CCDC33: variants seen among roughly 807,000 people sequenced by gnomAD.
CCDC33 encodes the protein coiled-coil domain-containing protein 33.
A neutral mutation model predicts 91.9 loss-of-function variants in CCDC33; 94 were observed. The observed-to-expected ratio is 1.02, with a 90% CI of 0.87 to 1.21. The LOEUF is 1.21. Ranked by LOEUF, CCDC33 falls within the 50% of genes most tolerant of loss-of-function variation. CCDC33 has a pLI of 0.00. For synonymous variants in CCDC33, 396 were observed against 374.5 expected (o/e 1.06, Z -0.66); for missense variants, 940 against 935.5 (o/e 1.00, Z -0.06).
intron 2 of CCDC33, among the ~76,000 whole-genome samples, chr15:74,255,109 C>T (rs1005336415): frequency 1.7e-4 from 14 of 84,710 alleles, no homozygotes; most frequent in Non-Finnish European, 4.3e-4. Flanking sequence ...ATCCTGAAAG[C>T]CCCAGAATCC....
chr15:74,220,936 ACT>A (rs1452968141), intron 2 of CCDC33, among the ~76,000 whole-genome samples: 9 of 152,174 alleles, frequency 5.9e-5, no homozygotes, highest in African/African-American at 2.2e-4. Flanking sequence ...TGGTGCTGCT[ACT>A]TGGAGGCTCA....
chr15:74,224,323 A>G (rs2074715530), intron 2 of CCDC33, among the ~76,000 whole-genome samples: 1 of 151,710 alleles, frequency 6.6e-6, no homozygotes, highest in South Asian at 2.1e-4. Flanking sequence ...GCGTTGAAAC[A>G]CTCTCCATTC....
intron 2 of CCDC33, among the ~76,000 whole-genome samples, chr15:74,210,886 C>T (rs1245273909): frequency 6.6e-6 from 1 of 152,182 alleles, no homozygotes; most frequent in Non-Finnish European, 1.5e-5. Context: ...GGGTGAAAAA[C>T]AGTTGTGATA....
intron 18 of CCDC33, chr15:74,335,584 G>A (rs889712553): frequency 3.5e-5 from 12 of 340,988 alleles, no homozygotes; most frequent in Non-Finnish European, 5.4e-5. Context: ...CCCCGGGACC[G>A]CCCAGCCCCG....
At chr15:74,336,436 C>T (rs929887262), downstream of CCDC33, 6 of 1,292,930 alleles carry the variant, frequency 4.6e-6, no homozygotes, top group African/African-American at 3.0e-5. Flanking sequence ...TTCATCTGCC[C>T]CAAAACATCT....
chr15:74,334,839 C>G (rs540209700), intron 17 of CCDC33, 136 bp from the exon 18 acceptor site: 1 of 735,662 alleles, frequency 1.4e-6, no homozygotes, highest in South Asian at 1.6e-5. Flanking sequence ...CCTGAGGTCT[C>G]GGGAAGGTGT....
At chr15:74,232,183 G>A (rs2074996794), upstream of CCDC33, among the ~76,000 whole-genome samples, 1 of 152,160 alleles carries the variant, frequency 6.6e-6, no homozygotes, top group Admixed American at 6.5e-5. Context: ...GTAATACCAG[G>A]ACATCAGGCG....
At chr15:74,209,718 C>G (rs901008817) in intron 2 of CCDC33, 2 of 435,950 alleles carry the variant, frequency 4.6e-6, no homozygotes, top group East Asian at 4.0e-5. Context: ...GCTCTCCCTA[C>G]CCCTCCCTCC....
chr15:74,233,119 C>T (rs1331480892), upstream of CCDC33, among the ~76,000 whole-genome samples: 1 of 152,208 alleles, frequency 6.6e-6, no homozygotes, highest in Non-Finnish European at 1.5e-5. Flanking sequence ...AGGCCTTCCT[C>T]GACCCCTTTA....
chr15:74,226,928 CGTAGGATGGAGGTG>C (rs1374779229), intron 2 of CCDC33, among the ~76,000 whole-genome samples: 6 of 151,840 alleles, frequency 4.0e-5, no homozygotes, highest in Admixed American at 2.6e-4. Context: ...AGAGCTGGTT[CGTAGGATGGAGGTG>C]GTAGGGAGTT....
chr15:74,232,932 C>T (rs2075028241), upstream of CCDC33, among the ~76,000 whole-genome samples: 1 of 152,208 alleles, frequency 6.6e-6, no homozygotes, highest in Admixed American at 6.5e-5. Flanking sequence ...TCACACCCAC[C>T]CAGACCAGAT....
chr15:74,335,749 C>T (rs2060553033), intron 18 of CCDC33, 176 bp from the exon 19 acceptor site: 1 of 610,292 alleles, frequency 1.6e-6, no homozygotes, highest in Non-Finnish European at 2.9e-6. Flanking sequence ...GCCCTGGGGA[C>T]CCTTGGAGAA....
At chr15:74,217,190 TGCAG>T, upstream of CCDC33, 1 of 1,074,998 alleles carries the variant, frequency 9.3e-7, no homozygotes, top group African/African-American at 1.7e-5. Context: ...GCACCCAGCC[TGCAG>T]GCTTTCAGAC....
At chr15:74,314,799 A>G (rs2060059416) in intron 11 of CCDC33, among the ~76,000 whole-genome samples, 1 of 152,216 alleles carries the variant, frequency 6.6e-6, no homozygotes, top group African/African-American at 2.4e-5. Context: ...GTGTTCCCTC[A>G]GCACATGTCC....
At chr15:74,220,578 T>C (rs768689255) in intron 2 of CCDC33, among the ~76,000 whole-genome samples, 22 of 152,192 alleles carry the variant, frequency 1.4e-4, no homozygotes, top group Non-Finnish European at 2.8e-4. Flanking sequence ...CTCTTCAGGC[T>C]GCAGTTCTGA....
intron 11 of CCDC33, chr15:74,302,388 C>T (rs1018521944): frequency 2.6e-5 from 4 of 152,266 alleles, no homozygotes; most frequent in African/African-American, 9.6e-5. Context: ...GCAAGCCTCC[C>T]AGCACAGGGA....
intron 11 of CCDC33, chr15:74,318,650 A>C: frequency 1.3e-6 from 1 of 769,810 alleles, no homozygotes; most frequent in Non-Finnish European, 2.4e-6. Flanking sequence ...CCTCATTGAC[A>C]GCTTCTCTGT....
chr15:74,214,162 G>A (rs1464887137), upstream of CCDC33, among the ~76,000 whole-genome samples: 3 of 152,112 alleles, frequency 2.0e-5, no homozygotes, highest in African/African-American at 7.2e-5. Flanking sequence ...AGGAGCCATT[G>A]TGGGAAGCAG....
At chr15:74,233,052 C>T (rs1047779515), upstream of CCDC33, among the ~76,000 whole-genome samples, 1 of 152,238 alleles carries the variant, frequency 6.6e-6, no homozygotes, top group Non-Finnish European at 1.5e-5. Flanking sequence ...GAAATGTCCC[C>T]TTTCCTACCT....
Sources: allele counts gnomAD v4.1 joint callset (sites outside exome capture counted in the v4.1 genomes callset), GRCh38; gene constraint gnomAD v4.1.1; transcripts MANE v1.5; gene names NCBI Gene and HGNC (gene_info 2026-07-23, HGNC 2026-07-21).